Variants in PLCB4 observed in about 807,000 individuals in gnomAD.
PLCB4 encodes 1-phosphatidylinositol 4,5-bisphosphate phosphodiesterase beta-4.
In PLCB4, 77 loss-of-function variants were observed where a neutral mutation model predicts 178.8. That is an observed-to-expected ratio of 0.43 (90% CI 0.36 to 0.52). PLCB4 has a LOEUF of 0.52. Ranked by LOEUF, PLCB4 falls within the 20% of genes least tolerant of loss-of-function variation. PLCB4 has a pLI of 0.00. For missense variants in PLCB4, 1,024 were observed against 1,453.4 expected, an observed-to-expected ratio of 0.70 and a Z score of 4.80; for synonymous variants, 496 against 490.8, an observed-to-expected ratio of 1.01 and a Z score of -0.14.
chr20:9,386,493 A>AT (rs113864705), intron 14 of PLCB4, among the ~76,000 whole-genome samples: 3,168 of 150,550 alleles, frequency 0.021, 105 homozygotes, highest in African/African-American at 0.07. Context: ...TTTTTAATTC[A>AT]TTTTTTTTTG....
At chr20:9,324,062 T>TC (rs1274324617) in intron 4 of PLCB4, among the ~76,000 whole-genome samples, 3 of 151,688 alleles carry the variant, frequency 2.0e-5, no homozygotes, top group African/African-American at 7.3e-5. Flanking sequence ...TCTCAGCTAC[T>TC]CAGGAGGGAG....
intron 3 of PLCB4, among the ~76,000 whole-genome samples, chr20:9,222,516 T>C (rs2093812488): frequency 6.6e-6 from 1 of 152,198 alleles, no homozygotes; most frequent in Non-Finnish European, 1.5e-5. Context: ...TGAATTTTCT[T>C]GTAGCTTCAT....
intron 1 of PLCB4, among the ~76,000 whole-genome samples, chr20:9,090,190 AGTGTTATAGTGTTATT>A (rs1402711942): frequency 6.7e-6 from 1 of 149,166 alleles, no homozygotes; most frequent in African/African-American, 2.5e-5. Flanking sequence ...AAAAACTGTG[AGTGTTATAGTGTTATT>A]TAATTGAGAA....
chr20:9,441,830 C>T (rs2042122591), intron 30 of PLCB4, among the ~76,000 whole-genome samples: 1 of 151,916 alleles, frequency 6.6e-6, no homozygotes, highest in Non-Finnish European at 1.5e-5. Flanking sequence ...CTGCAGACCT[C>T]TATGAAGGTG....
intron 2 of PLCB4, among the ~76,000 whole-genome samples, chr20:9,115,390 T>C (rs187636388): frequency 1.6e-3 from 247 of 152,038 alleles, no homozygotes; most frequent in Middle Eastern, 6.8e-3. Flanking sequence ...AAAATACCTC[T>C]ACACTATAGT....
intron 1 of PLCB4, among the ~76,000 whole-genome samples, chr20:9,075,941 G>T (rs948242534): frequency 6.6e-6 from 1 of 152,182 alleles, no homozygotes; most frequent in Non-Finnish European, 1.5e-5. Flanking sequence ...TGGAAACACC[G>T]TGTACTAGAA....
At chr20:9,131,401 C>G (rs2092269299) in intron 2 of PLCB4, among the ~76,000 whole-genome samples, 1 of 152,040 alleles carries the variant, frequency 6.6e-6, no homozygotes, top group African/African-American at 2.4e-5. Context: ...TACCTTGGGT[C>G]CTCAGTAATA....
At chr20:9,217,827 A>AT (rs774508935) in intron 3 of PLCB4, among the ~76,000 whole-genome samples, 3 of 152,150 alleles carry the variant, frequency 2.0e-5, no homozygotes, top group Non-Finnish European at 2.9e-5. Flanking sequence ...GCTTAAGAAG[A>AT]TTCCCACTGA....
At chr20:9,112,755 C>A (rs552387956) in intron 2 of PLCB4, among the ~76,000 whole-genome samples, 2 of 152,246 alleles carry the variant, frequency 1.3e-5, no homozygotes, top group East Asian at 3.9e-4. Flanking sequence ...TTGAAAAAGA[C>A]TGGAGCTGAA....
intron 3 of PLCB4, among the ~76,000 whole-genome samples, chr20:9,229,686 T>C (rs1167192741): frequency 6.6e-6 from 1 of 152,058 alleles, no homozygotes; most frequent in African/African-American, 2.4e-5. Flanking sequence ...GTTCTTTGTG[T>C]TTAAAACTTT....
chr20:9,312,308 T>C (rs560562536), intron 4 of PLCB4, among the ~76,000 whole-genome samples: 1 of 151,172 alleles, frequency 6.6e-6, no homozygotes, highest in Non-Finnish European at 1.5e-5. Flanking sequence ...CCTAGCAAAG[T>C]CTTGGTCTTC....
At chr20:9,117,842 C>G (rs1265803292) in intron 2 of PLCB4, among the ~76,000 whole-genome samples, 1 of 152,194 alleles carries the variant, frequency 6.6e-6, no homozygotes, top group Non-Finnish European at 1.5e-5. Context: ...GCTCAGCTGT[C>G]ACTTCCCTAG....
At chr20:9,096,761 T>G (rs995895321) in intron 2 of PLCB4, among the ~76,000 whole-genome samples, 1 of 152,146 alleles carries the variant, frequency 6.6e-6, no homozygotes, top group African/African-American at 2.4e-5. Flanking sequence ...TTTTGTGGTG[T>G]GAGATTTCTT....
At chr20:9,200,373 C>T (rs942986846) in intron 2 of PLCB4, among the ~76,000 whole-genome samples, 1 of 152,140 alleles carries the variant, frequency 6.6e-6, no homozygotes, top group Non-Finnish European at 1.5e-5. Flanking sequence ...TAACTGTTAC[C>T]GCCTTTGACC....
intron 3 of PLCB4, among the ~76,000 whole-genome samples, chr20:9,221,229 T>C (rs1191881312): frequency 1.3e-5 from 2 of 152,036 alleles, no homozygotes; most frequent in Non-Finnish European, 2.9e-5. Context: ...ACATAATTGC[T>C]CCCTAGAGTC....
intron 7 of PLCB4, among the ~76,000 whole-genome samples, chr20:9,342,783 T>C (rs1486359370): frequency 6.6e-6 from 1 of 151,996 alleles, no homozygotes; most frequent in African/African-American, 2.4e-5. Flanking sequence ...AATCCTACAG[T>C]TCTGTGACTT....
intron 33 of PLCB4, among the ~76,000 whole-genome samples, chr20:9,456,102 C>T (rs2043042247): frequency 6.6e-6 from 1 of 152,194 alleles, no homozygotes; most frequent in African/African-American, 2.4e-5. Flanking sequence ...TCCCGAAGTG[C>T]TGGAATTACA....
chr20:9,427,279 G>C (rs1043091325), intron 28 of PLCB4, among the ~76,000 whole-genome samples: 1 of 151,814 alleles, frequency 6.6e-6, no homozygotes, highest in Non-Finnish European at 1.5e-5. Flanking sequence ...AAATAACAGA[G>C]CAGTGATGGC....
At chr20:9,096,497 A>G (rs542757646) in intron 2 of PLCB4, among the ~76,000 whole-genome samples, 155 bp downstream of exon 2, 51 of 152,356 alleles carry the variant, frequency 3.3e-4, no homozygotes, top group African/African-American at 1.2e-3. Flanking sequence ...TAAATTCAAT[A>G]TTTAACTTTG....
Sources: gnomAD v4.1 joint callset for allele counts (sites outside exome capture counted in the v4.1 genomes callset) on GRCh38, gnomAD v4.1.1 for gene constraint, MANE v1.5 for transcripts, NCBI Gene and HGNC (gene_info 2026-07-23, HGNC 2026-07-21) for gene names.